Variants in TEAD3 observed in about 807,000 individuals in gnomAD.
The protein encoded by TEAD3 is transcriptional enhancer factor TEF-5.
TEAD3 carries 15 observed loss-of-function variants against 55.6 expected under a neutral mutation model. The observed-to-expected ratio is 0.27, with a 90% CI of 0.18 to 0.42. The LOEUF (loss-of-function observed/expected upper bound fraction) is 0.42, where lower values mean the gene tolerates loss of function less well. Ranked by LOEUF, TEAD3 falls within the 10% of genes least tolerant of loss-of-function variation. The probability of loss-of-function intolerance (pLI) is 1.00; values close to 1 mark genes in which losing one functional copy is unlikely to be tolerated. For missense variants in TEAD3, 407 were observed against 576.8 expected, an observed-to-expected ratio of 0.71 and a Z score of 3.01; for synonymous variants, 210 against 232.2, an observed-to-expected ratio of 0.90 and a Z score of 0.87.
chr6:35,486,322 G>A lies in TEAD3; in HGVS notation c.202+139C>T, dbSNP rs1219317449. On this transcript the variant is annotated intron_variant, in intron 2 of 12. Transcript: ENST00000639578. This position sits in a 1 kb window ranked among gnomAD's most constrained non-coding sequence, Gnocchi z 7.3. ...TGTTTATGAGGAGGAGCGCGGAGGA[G>A]GATCCAGACACACAGGCTTGCGCGC... is the stretch of plus-strand genomic sequence containing the variant. 2.9e-6 allele frequency: 3 copies of A among 1,024,568 alleles called. No homozygotes were observed. Among genetic ancestry groups the A allele is most frequent in the African/African-American group, 1.6e-5 (1 of 61,684 alleles). 63.5% of individuals were successfully genotyped at this position (1,024,568 alleles called of 1,614,324 possible).
At chr6:35,478,862 G>A (rs1220449783) in intron 5 of TEAD3, among the ~76,000 whole-genome samples, 2 of 148,810 alleles carry the variant, frequency 1.3e-5, no homozygotes, top group Non-Finnish European at 3.0e-5. Context: ...TGTATGTCAT[G>A]TACTCTCCTA....
chr6:35,485,939 C>G lies in TEAD3; in HGVS notation c.202+522G>C, dbSNP rs747484326. 6.6e-6 allele frequency among the ~76,000 whole-genome samples: 1 copy of G among 152,202 alleles called. No homozygotes were observed. Among genetic ancestry groups the G allele is most frequent in the Non-Finnish European group, 1.5e-5 (1 of 68,016 alleles). On this transcript the variant is annotated intron_variant, in intron 2 of 12. Coordinates refer to ENST00000639578, the Ensembl canonical transcript of TEAD3. This position sits in a 1 kb window ranked among gnomAD's most constrained non-coding sequence, Gnocchi z 4.3. ...GGGGACACTCCCTTCTGGAAATGGG[C>G]AAGATGGCAAAGAGGAGGGCCAACA...
In TEAD3 at chr6:35,475,675, G is replaced by A. The variant is rs754157370; in HGVS notation, c.932C>T (p.Pro311Leu). The A allele has an allele frequency of 1.7e-5, 27 of 1,611,508 alleles. No individual in the cohort carries two copies. Among genetic ancestry groups the A allele is most frequent in the Admixed American group, 1.3e-4 (8 of 59,852 alleles). The change falls in exon 11 of 13, where the codon CCG becomes CTG. Residue 311 changes from proline to leucine, a missense_variant. Physicochemically the swap from Pro to Leu is moderately conservative, Grantham distance 98. Transcript: ENST00000639578. This position sits in a 1 kb window ranked among gnomAD's most constrained non-coding sequence, Gnocchi z 5.4. The stretch of plus-strand genomic sequence containing the variant: ...AGAGCTGACCCCATAGAAGGCTCCC[G>A]GGCCCTCCTGGATGGTGCTGTTGAG...
intron 1 of TEAD3, among the ~76,000 whole-genome samples, chr6:35,490,250 T>C (rs945555720): frequency 6.6e-6 from 1 of 152,002 alleles, no homozygotes; most frequent in Non-Finnish European, 1.5e-5. Flanking sequence ...TGTGGCCAAA[T>C]ATGGCGAACA....
At chr6:35,481,049 C>T (rs1768257576) in intron 3 of TEAD3, among the ~76,000 whole-genome samples, 2 of 152,018 alleles carry the variant, frequency 1.3e-5, no homozygotes, top group African/African-American at 4.8e-5. Context: ...CCTGGCCCTC[C>T]TGCTTTGCTC....
chr6:35,489,618 G>A (rs1009329283), intron 1 of TEAD3, among the ~76,000 whole-genome samples: 8 of 152,196 alleles, frequency 5.3e-5, no homozygotes, highest in African/African-American at 1.9e-4. Context: ...ACCTGTCAGA[G>A]GGGCCAGATG....
chr6:35,481,913 G>A (rs1221360678), intron 3 of TEAD3, among the ~76,000 whole-genome samples: 1 of 152,200 alleles, frequency 6.6e-6, no homozygotes, highest in Non-Finnish European at 1.5e-5. Context: ...TCCATATGGA[G>A]GCATTGTGCT....
At chr6:35,481,945 T>C (rs567772849) in intron 3 of TEAD3, among the ~76,000 whole-genome samples, 32 of 152,346 alleles carry the variant, frequency 2.1e-4, no homozygotes, top group African/African-American at 7.7e-4. Flanking sequence ...GCTGCATGTG[T>C]GTATCTGTAA....
At chr6:35,479,003 T>C (rs1360659522) in intron 5 of TEAD3, among the ~76,000 whole-genome samples, 2 of 151,336 alleles carry the variant, frequency 1.3e-5, no homozygotes, top group Non-Finnish European at 2.9e-5. Context: ...CCTCAGCCTC[T>C]GGAGTAGCTG....
exon 8 of TEAD3, chr6:35,477,326 G>A: frequency 6.2e-7 from 1 of 1,607,176 alleles, no homozygotes. Flanking sequence ...AGCGTCGGCG[G>A]CAGGGGCGGC....
At chr6:35,473,739 CAA>C (rs576526174), downstream of TEAD3, 29 of 147,858 alleles carry the variant, frequency 2.0e-4, no homozygotes, top group African/African-American at 6.8e-4. Context: ...TAAAAATACA[CAA>C]AAAAATATAT....
intron 1 of TEAD3, among the ~76,000 whole-genome samples, chr6:35,493,924 C>T (rs1768587729): frequency 6.6e-6 from 1 of 152,220 alleles, no homozygotes; most frequent in Admixed American, 6.5e-5. Context: ...CTGGGTGATG[C>T]CCTGGCACAC....
In TEAD3 at chr6:35,496,342, C is replaced by A. The variant is rs1032091543; in HGVS notation, c.-50+556G>T. ...TCCCTGCCTCTCAGGGGACACACGG[C>A]CGGGGCGCGCGGCTTTGGTCCCAGA... is the stretch of plus-strand genomic sequence containing the variant. On this transcript the variant is annotated intron_variant, in intron 1 of 12. Coordinates refer to ENST00000639578, the Ensembl canonical transcript of TEAD3. This position sits in a 1 kb window ranked among gnomAD's most constrained non-coding sequence, Gnocchi z 4.8. Among the ~76,000 whole-genome samples, 1 of 152,188 alleles carries A rather than the reference C, an allele frequency of 6.6e-6. No individual in the cohort carries two copies. The highest frequency in any genetic ancestry group is 1.5e-5 in the Non-Finnish European group (1 of 68,006).
At chr6:35,480,490 G>T in intron 3 of TEAD3, 116 bp from the exon 4 acceptor site, 3 of 1,023,662 alleles carry the variant, frequency 2.9e-6, no homozygotes, top group Non-Finnish European at 4.4e-6. Context: ...GGAACTACAT[G>T]TAAATGGGGG....
intron 1 of TEAD3, among the ~76,000 whole-genome samples, chr6:35,495,967 T>C (rs1428259550): frequency 6.6e-6 from 1 of 152,032 alleles, no homozygotes; most frequent in African/African-American, 2.4e-5. Context: ...ACTGAAAGAA[T>C]CTCTCAGCCC....
rs918746267 is a variant in TEAD3 at position 35,488,535 on chromosome 6, C to T, written c.-49-1824G>A. 1.8e-4 allele frequency among the ~76,000 whole-genome samples: 28 copies of T among 151,862 alleles called. No individual in the cohort carries two copies. Among genetic ancestry groups the T allele is most frequent in the Non-Finnish European group, 2.9e-4 (20 of 68,014 alleles). Reference sequence around the variant, plus strand: ...GGAGGGGTGGAGATGTAGGGGACACCGTCAGAAGCCAGGGAGAGGAAGATG... The same window carrying T: ...GGAGGGGTGGAGATGTAGGGGACACTGTCAGAAGCCAGGGAGAGGAAGATG... On this transcript the variant is annotated intron_variant, in intron 1 of 12. Coordinates refer to ENST00000639578, the Ensembl canonical transcript of TEAD3. This position sits in a 1 kb window ranked among gnomAD's most constrained non-coding sequence, Gnocchi z 4.2.
In TEAD3 at chr6:35,484,459, G is replaced by C; in HGVS notation, c.267+101C>G. 8.5e-7 allele frequency: 1 copy of C among 1,183,412 alleles called. No individual in the cohort carries two copies. The highest frequency in any genetic ancestry group is 1.3e-5 in the South Asian group (1 of 74,450). 73.3% of individuals were successfully genotyped at this position (1,183,412 alleles called of 1,614,324 possible). A position where few individuals can be genotyped will look rare whatever the true frequency, so the allele number is the denominator to read the frequency against. On this transcript the variant is annotated intron_variant, in intron 3 of 12. Coordinates refer to ENST00000639578, the Ensembl canonical transcript of TEAD3. This position sits in a 1 kb window ranked among gnomAD's most constrained non-coding sequence, Gnocchi z 5.8. ...CAAGGAGGGTGGCAGTCCAGGTCAG[G>C]GGCAGCCTCGAGGAGGTGGGCAGGG...
chr6:35,493,744 G>A lies in TEAD3; in HGVS notation c.-50+3154C>T, dbSNP rs143488412. On this transcript the variant is annotated intron_variant, in intron 1 of 12. Coordinates refer to ENST00000639578, the Ensembl canonical transcript of TEAD3. ...CACAGCGTAACACATCACACAGATC[G>A]CCACTCATCCGGCTTCTCACGCACA... 7.2e-4 allele frequency among the ~76,000 whole-genome samples: 110 copies of A among 152,338 alleles called. 1 individual carries two copies. The highest frequency in any genetic ancestry group is 6.8e-3 in the Middle Eastern group (2 of 292).
At chr6:35,490,188 G>A (rs1561807776) in intron 1 of TEAD3, among the ~76,000 whole-genome samples, 2 of 152,124 alleles carry the variant, frequency 1.3e-5, no homozygotes, top group Admixed American at 1.3e-4. Context: ...GCAGGCTGTG[G>A]CCCCCCCTTC....
Sources: allele counts gnomAD v4.1 joint callset (sites outside exome capture counted in the v4.1 genomes callset), GRCh38; gene constraint gnomAD v4.1.1; non-coding constraint Gnocchi (gnomAD v3.1); transcripts MANE v1.5; gene names NCBI Gene and HGNC (gene_info 2026-07-23, HGNC 2026-07-21).